Variants in GDPD3 observed in about 807,000 individuals in gnomAD.
GDPD3 encodes the protein glycerophosphodiester phosphodiesterase domain containing 3, also known as lysophospholipase D GDPD3.
GDPD3 carries 40 observed loss-of-function variants against 43.7 expected under a neutral mutation model. The observed-to-expected ratio is 0.91, with a 90% CI of 0.71 to 1.19. The LOEUF (loss-of-function observed/expected upper bound fraction) is 1.19. Among genes scored for constraint, GDPD3 ranks in the 50% most tolerant of loss-of-function variants. The probability of loss-of-function intolerance (pLI) is 0.00; values close to 1 mark genes in which losing one functional copy is unlikely to be tolerated. For synonymous variants in GDPD3, 145 were observed against 162.9 expected (o/e 0.89, Z 0.84); for missense variants, 363 against 415.8 (o/e 0.87, Z 1.11).
chr16:30,106,395 G>C (rs1270863482), intron 9 of GDPD3, among the ~76,000 whole-genome samples: 1 of 152,122 alleles, frequency 6.6e-6, no homozygotes, highest in African/African-American at 2.4e-5. Flanking sequence ...GTTCCTCTCT[G>C]AGAGCTAGTT....
chr16:30,111,696 G>T, intron 6 of GDPD3, 175 bp from the exon 7 acceptor site: 1 of 645,954 alleles, frequency 1.5e-6, no homozygotes, highest in Non-Finnish European at 2.7e-6. Flanking sequence ...AGTTTGGGAG[G>T]CTGAGGCAGG....
chr16:30,112,130 A>ACGG lies in GDPD3; in HGVS notation c.572_573+1dup, dbSNP rs752398229. The ACGG allele has an allele frequency of 6.2e-7, 1 of 1,612,612 alleles. No homozygotes were observed. Among genetic ancestry groups the ACGG allele is most frequent in the South Asian group, 1.1e-5 (1 of 91,046 alleles). ...GGACGGGGGAGGGGTGGGGGGACTC[A>ACGG]CGGCAGCCTTGCATTTCTTCATGAC... is the stretch of plus-strand genomic sequence containing the variant. On this transcript the variant is annotated splice_donor_variant, in intron 6 of 9. Transcript: ENST00000406256. LOFTEE classifies it high-confidence loss of function. The surrounding 1 kb of genome is among the most constrained non-coding windows in gnomAD (Gnocchi z 5.4).
rs764333654 is a variant in GDPD3 at position 30,108,449 on chromosome 16, G to A, written c.708-17C>T. On this transcript the variant is annotated splice_polypyrimidine_tract_variant and intron_variant, in intron 7 of 9. Coordinates refer to ENST00000406256, the MANE Select transcript of GDPD3 (RefSeq NM_024307.3). Reference sequence around the variant, plus strand: ...AAATAGGTCCTGCAGAGAGAAGGAAGTGGGGGTTAGCTCCTAGGGTCTCCC... The same window carrying A: ...AAATAGGTCCTGCAGAGAGAAGGAAATGGGGGTTAGCTCCTAGGGTCTCCC... The A allele has an allele frequency of 1.9e-6, 3 of 1,613,490 alleles. No homozygotes were observed. The Admixed American group carries it at 5.0e-5, about 27-fold the overall frequency.
At position 30,112,867 on chromosome 16, in the gene GDPD3, G is replaced by C; in HGVS notation, c.183-74C>G. On this transcript the variant is annotated intron_variant, in intron 2 of 9. Transcript: ENST00000406256. The surrounding 1 kb of genome is among the most constrained non-coding windows in gnomAD (Gnocchi z 5.4). ...GGGGCATGGTGGCTGGGAGGTGGCCGGGAATGTGAGAGCGGAGTTCGTGGC... is the reference window on the plus strand; with the variant it reads ...GGGGCATGGTGGCTGGGAGGTGGCCCGGAATGTGAGAGCGGAGTTCGTGGC... 6.4e-7 allele frequency: 1 copy of C among 1,556,978 alleles called. No individual in the cohort carries two copies. The highest frequency in any genetic ancestry group is 8.8e-7 in the Non-Finnish European group (1 of 1,135,954).
Position 30,113,282 on chromosome 16 carries a change from G to A in GDPD3, c.139+58C>T, listed in dbSNP as rs577994353. On this transcript the variant is annotated intron_variant, in intron 1 of 9. Transcript: ENST00000406256. The surrounding 1 kb of genome is among the most constrained non-coding windows in gnomAD (Gnocchi z 5.9). ...TGCCCCGTTTCTAGCATGCCCCCTTGGACCTACCCCTCTGTGCTGTCCACT... is the reference window on the plus strand; with the variant it reads ...TGCCCCGTTTCTAGCATGCCCCCTTAGACCTACCCCTCTGTGCTGTCCACT... 13 of 1,542,802 alleles carry A rather than the reference G, an allele frequency of 8.4e-6. No individual in the cohort carries two copies. Among genetic ancestry groups the A allele is most frequent in the Admixed American group, 1.9e-5 (1 of 51,308 alleles).
Position 30,111,412 on chromosome 16 carries a change from C to T in GDPD3, c.683G>A (p.Cys228Tyr). 6.2e-7 allele frequency: 1 copy of T among 1,613,920 alleles called. No individual in the cohort carries two copies. The highest frequency in any genetic ancestry group is 8.5e-7 in the Non-Finnish European group (1 of 1,179,948). ...CCTGTTGATGATGTTGGGCAGGAAG[C>T]AGAAGAAGAACTTCTCAGGGATTGG... The part of the protein sequence containing the change: ...FIPIPEKFFF[C>Y]FLPNIINRTY... The change falls in exon 7 of 10, where the codon TGC (cysteine) becomes TAC (tyrosine). Residue 228 changes from cysteine to tyrosine, a missense_variant. Cys to Tyr is a radical substitution (Grantham distance 194). Coordinates refer to ENST00000406256, the MANE Select transcript of GDPD3 (RefSeq NM_024307.3).
chr16:30,105,493 A>ATTAT lies in GDPD3; in HGVS notation c.820-488_820-485dup, dbSNP rs143444520. On this transcript the variant is annotated intron_variant, in intron 9 of 9. Coordinates refer to ENST00000406256, the MANE Select transcript of GDPD3 (RefSeq NM_024307.3). ...AAAAATTATATATACTGACAATTAA[A>ATTAT]TTATTTATTTATTTATTTATTTATT... Among the ~76,000 whole-genome samples the ATTAT allele has an allele frequency of 6.1e-3, 923 of 150,750 alleles. 7 individuals are homozygous for ATTAT. The highest frequency in any genetic ancestry group is 0.021 in the African/African-American group (853 of 41,114).
rs958241306 is a variant in GDPD3 at position 30,111,621 on chromosome 16, A to G, written c.574-100T>C. 38 of 1,308,502 alleles carry G rather than the reference A, an allele frequency of 2.9e-5. 1 individual carries two copies. In the African/African-American group the frequency reaches 5.3e-4, roughly 18 times the overall value. 81.1% of individuals were successfully genotyped at this position (1,308,502 alleles called of 1,614,324 possible). A position where few individuals can be genotyped will look rare whatever the true frequency, so the allele number is the denominator to read the frequency against. ...CCGTGGTGGGCATTCCAGAGGCCCT[A>G]CTACCTGCAGGATCCAAGTCACATC... On this transcript the variant is annotated intron_variant, in intron 6 of 9. Transcript: ENST00000406256.
In GDPD3 at chr16:30,109,369, G is replaced by A. The variant is rs933955542; in HGVS notation, c.708-937C>T. ...TACTAAAAATACAAAAATTAGCCGG[G>A]CGTGGTGGCAGACCCTGTAGTCCCA... On this transcript the variant is annotated intron_variant, in intron 7 of 9. Coordinates refer to ENST00000406256, the MANE Select transcript of GDPD3 (RefSeq NM_024307.3). Among the ~76,000 whole-genome samples the A allele has an allele frequency of 3.3e-5, 5 of 152,156 alleles. No individual in the cohort carries two copies. The East Asian group carries it at 9.6e-4, about 29-fold the overall frequency.
chr16:30,111,457 AG>A lies in GDPD3; in HGVS notation c.637del (p.Leu213TrpfsTer34). 1 of 1,614,020 alleles carries A rather than the reference AG, an allele frequency of 6.2e-7. No homozygotes were observed. The highest frequency in any genetic ancestry group is 1.1e-5 in the South Asian group (1 of 91,080). On this transcript the variant is annotated frameshift_variant, in exon 7 of 10. Coordinates refer to ENST00000406256, the MANE Select transcript of GDPD3 (RefSeq NM_024307.3). LOFTEE classifies it high-confidence loss of function. ...GATTGGGATGAAGGGCAGCAGCCCCAGGTAGTAGGAAAGCAGCACCCAGAAT... is the reference window on the plus strand; with the variant it reads ...GATTGGGATGAAGGGCAGCAGCCCCAGTAGTAGGAAAGCAGCACCCAGAAT... ...RGFWVLLSYY[L>X]GLLPFIPIPE... is the part of the protein sequence containing the mutation.
rs768755625 is a variant in GDPD3 at position 30,104,980 on chromosome 16, C to T, written c.849G>A (p.Ser283=). 31 of 1,611,788 alleles carry T rather than the reference C, an allele frequency of 1.9e-5. No homozygotes were observed. Among genetic ancestry groups the T allele is most frequent in the South Asian group, 4.4e-5 (4 of 90,784 alleles). ...CCACGCTGAAGGCTGCTTCAAAATCCGACTCTTCATTAAGGCACCAAAAGA... is the reference window on the plus strand; with the variant it reads ...CCACGCTGAAGGCTGCTTCAAAATCTGACTCTTCATTAAGGCACCAAAAGA... The part of the protein sequence containing the change: ...QVVFWCLNEE[S]DFEAAFSVGA... Residue 283 remains serine, a synonymous_variant, in exon 10 of 10, where the codon TCG becomes TCA. Transcript: ENST00000406256.
At chr16:30,110,142 A>G (rs1337049885) in intron 7 of GDPD3, among the ~76,000 whole-genome samples, 6 of 152,036 alleles carry the variant, frequency 3.9e-5, no homozygotes. Context: ...AACACTTTAT[A>G]AATCTTGTAT....
At position 30,113,522 on chromosome 16, in the gene GDPD3, T is replaced by TCCG; in HGVS notation, c.-47_-45dup. The TCCG allele has an allele frequency of 6.7e-7, 1 of 1,496,994 alleles. No individual in the cohort carries two copies. Among genetic ancestry groups the TCCG allele is most frequent in the Non-Finnish European group, 9.0e-7 (1 of 1,114,520 alleles). The allele number at this position is 1,496,994 out of a possible 1,614,324, so 92.7% of individuals were successfully genotyped here. A position where few individuals can be genotyped will look rare whatever the true frequency, so the allele number is the denominator to read the frequency against. ...GCTCCTGCAGCCACACGCTCAGCCG[T>TCCG]CCGCGGGACTGTGCTGCCTGCCTAG... On this transcript the variant is annotated 5_prime_UTR_variant, in exon 1 of 10. Coordinates refer to ENST00000406256, the MANE Select transcript of GDPD3 (RefSeq NM_024307.3). This position sits in a 1 kb window ranked among gnomAD's most constrained non-coding sequence, Gnocchi z 5.9.
Position 30,112,239 on chromosome 16 carries a change from A to G in GDPD3, c.484-18T>C. 3 of 1,613,722 alleles carry G rather than the reference A, an allele frequency of 1.9e-6. No homozygotes were observed. Among genetic ancestry groups the G allele is most frequent in the Non-Finnish European group, 2.5e-6 (3 of 1,179,582 alleles). ...CCTGCTATCTGGGAGGAGGAGAAGG[A>G]GGTGAAGGGAGAGCCAGGCCTCTCT... On this transcript the variant is annotated intron_variant, in intron 5 of 9. Transcript: ENST00000406256. This position sits in a 1 kb window ranked among gnomAD's most constrained non-coding sequence, Gnocchi z 5.4.
Position 30,113,469 on chromosome 16 carries a change from A to T in GDPD3, c.10T>A (p.Leu4Met). The change falls in exon 1 of 10, where the codon TTG (leucine) becomes ATG (methionine). Residue 4 changes from leucine to methionine, a missense_variant. By Grantham distance (15) the Leu-to-Met change is conservative (BLOSUM62 2). Transcript: ENST00000406256. This position sits in a 1 kb window ranked among gnomAD's most constrained non-coding sequence, Gnocchi z 5.9. ...AGGGCAGGGAGGGCATAGTACAGCA[A>T]AAGGCTCATGACCGTACTCCCACAG... MSL[L>M]LYYALPALGS... 1 of 1,587,282 alleles carries T rather than the reference A, an allele frequency of 6.3e-7. No individual in the cohort carries two copies. The highest frequency in any genetic ancestry group is 2.3e-5 in the East Asian group (1 of 44,022).
In GDPD3 at chr16:30,113,159, C is replaced by T; in HGVS notation, c.140-95G>A. On this transcript the variant is annotated intron_variant, in intron 1 of 9. Transcript: ENST00000406256. This position sits in a 1 kb window ranked among gnomAD's most constrained non-coding sequence, Gnocchi z 5.9. ...ATTCCCTCTCTGGGCTCCATCCTCC[C>T]TCTGGCCTCACCTCCCCAGCCAGCC... is the stretch of plus-strand genomic sequence containing the variant. The T allele has an allele frequency of 7.2e-7, 1 of 1,388,868 alleles. No individual in the cohort carries two copies. The highest frequency in any genetic ancestry group is 1.0e-6 in the Non-Finnish European group (1 of 999,634). 86.0% of individuals were successfully genotyped at this position (1,388,868 alleles called of 1,614,324 possible).
intron 9 of GDPD3, 127 bp from the exon 10 acceptor site, chr16:30,105,136 A>G: frequency 1.2e-6 from 1 of 801,996 alleles, no homozygotes; most frequent in Non-Finnish European, 1.9e-6. Flanking sequence ...AATTCTCAGG[A>G]ATTTTGCAAA....
chr16:30,111,459 G>T lies in GDPD3; in HGVS notation c.636C>A (p.Tyr212Ter). ...TTGGGATGAAGGGCAGCAGCCCCAGGTAGTAGGAAAGCAGCACCCAGAATC... is the reference window on the plus strand; with the variant it reads ...TTGGGATGAAGGGCAGCAGCCCCAGTTAGTAGGAAAGCAGCACCCAGAATC... ...SRGFWVLLSY[Y>*]LGLLPFIPIP... The change falls in exon 7 of 10, where the codon TAC (tyrosine) becomes TAA (stop). Residue 212 changes from tyrosine (Y) to a stop codon, truncating the protein, a stop_gained. Coordinates refer to ENST00000406256, the MANE Select transcript of GDPD3 (RefSeq NM_024307.3). LOFTEE classifies it high-confidence loss of function. 6.2e-7 allele frequency: 1 copy of T among 1,614,036 alleles called. No homozygotes were observed.
Position 30,104,897 on chromosome 16 carries a change from T to C in GDPD3, c.932A>G (p.His311Arg), listed in dbSNP as rs1358955242. 6.2e-7 allele frequency: 1 copy of C among 1,612,628 alleles called. No individual in the cohort carries two copies. Among genetic ancestry groups the C allele is most frequent in the South Asian group, 1.1e-5 (1 of 91,014 alleles). The change falls in exon 10 of 10, where the codon CAT (histidine) becomes CGT (arginine). Residue 311 changes from histidine (H) to arginine (R), a missense_variant. His to Arg is a conservative substitution (Grantham distance 29). Transcript: ENST00000406256. Reference sequence around the variant, plus strand: ...TTAGGAGGTCCGGGCAGCTGGTCCATGGTTGTCCAGGTAGTGCCGCAGGGC... The same window carrying C: ...TTAGGAGGTCCGGGCAGCTGGTCCACGGTTGTCCAGGTAGTGCCGCAGGGC... ...PTALRHYLDNHGPAARTS is the reference protein window; with the variant it reads ...PTALRHYLDNRGPAARTS
Sources: allele counts gnomAD v4.1 joint callset (sites outside exome capture counted in the v4.1 genomes callset), GRCh38; gene constraint gnomAD v4.1.1; non-coding constraint Gnocchi (gnomAD v3.1); transcripts MANE v1.5; gene names NCBI Gene and HGNC (gene_info 2026-07-23, HGNC 2026-07-21).